The following BECN1 variants were observed in gnomAD, a reference collection of about 807,000 sequenced individuals.
BECN1 encodes the protein beclin 1.
BECN1 carries 15 observed loss-of-function variants against 60.1 expected under a neutral mutation model. That is an observed-to-expected ratio of 0.25 (90% CI 0.17 to 0.38). BECN1 has a LOEUF of 0.38. Among genes scored for constraint, BECN1 ranks in the 10% least tolerant of loss-of-function variants. The probability of loss-of-function intolerance (pLI) is 1.00; values close to 1 mark genes in which losing one functional copy is unlikely to be tolerated. For missense variants in BECN1, 424 were observed against 548.2 expected (o/e 0.77, Z 2.26); for synonymous variants, 179 against 201.8 (o/e 0.89, Z 0.96).
rs1421840308 is a variant in BECN1, at chr17:42,811,584, A to G, written c.1184+71T>C. 3.2e-6 allele frequency: 5 copies of G among 1,547,526 alleles called. No individual in the cohort carries two copies. In the Admixed American group the frequency reaches 1.0e-4, roughly 31 times the overall value. On this transcript the variant is annotated intron_variant, in intron 11 of 11. Coordinates refer to ENST00000590099, the MANE Select transcript of BECN1 (RefSeq NM_001313998.2). The stretch of plus-strand genomic sequence containing the variant: ...CCACCATTTATACTGTTTTGCCTCC[A>G]TTATTACTGCTGCTTCAATTCTGTT...
chr17:42,811,852 G>T, intron 10 of BECN1, 55 bp from the exon 11 acceptor site: 2 of 1,579,724 alleles, frequency 1.3e-6, no homozygotes, highest in Middle Eastern at 1.7e-4. Flanking sequence ...GGCTTCCAGA[G>T]ATTGTTCCCA....
chr17:42,818,291 G>A lies in BECN1; in HGVS notation c.613C>T (p.Arg205Cys), dbSNP rs758000771. 7.4e-6 allele frequency: 12 copies of A among 1,614,050 alleles called. No individual in the cohort carries two copies. The highest frequency in any genetic ancestry group is 2.2e-5 in the East Asian group (1 of 44,902). The change falls in exon 7 of 12, where the codon CGC becomes TGC. Residue 205 changes from arginine (R) to cysteine (C), a missense_variant. Physicochemically the swap from Arg to Cys is radical, Grantham distance 180 (BLOSUM62 -3). Coordinates refer to ENST00000590099, the MANE Select transcript of BECN1 (RefSeq NM_001313998.2). ...IQELEDVEKN[R>C]KIVAENLEKV... ...TCGAGATTTTCTGCCACTATCTTGC[G>A]GTTCTTTTCCACGTCTTCCAGCTCC...
intron 10 of BECN1, 87 bp from the exon 11 acceptor site, chr17:42,811,884 A>G: frequency 2.0e-6 from 3 of 1,500,480 alleles, no homozygotes; most frequent in South Asian, 2.6e-5. Context: ...CTCTCAAGTC[A>G]TGTTCTGTCT....
At chr17:42,813,155 G>A (rs1380003524) in intron 10 of BECN1, among the ~76,000 whole-genome samples, 1 of 151,498 alleles carries the variant, frequency 6.6e-6, no homozygotes, top group Non-Finnish European at 1.5e-5. Flanking sequence ...TTTGCTTTCT[G>A]ATGATTCAAT....
chr17:42,811,881 G>A, intron 10 of BECN1, 84 bp from the exon 11 acceptor site: 1 of 1,497,152 alleles, frequency 6.7e-7, no homozygotes, highest in Non-Finnish European at 9.0e-7. Context: ...AATCTCTCAA[G>A]TCATGTTCTG....
chr17:42,816,996 A>G (rs184769655), intron 7 of BECN1, among the ~76,000 whole-genome samples: 103 of 150,638 alleles, frequency 6.8e-4, no homozygotes, highest in Non-Finnish European at 1.4e-3. Flanking sequence ...CAAAAACAAA[A>G]AACAGTGGCT....
chr17:42,819,653 G>A (rs761484600), intron 3 of BECN1, 44 bp from the exon 4 acceptor site: 2 of 1,594,228 alleles, frequency 1.3e-6, no homozygotes, highest in Non-Finnish European at 8.6e-7. Context: ...GCAGCTTAGA[G>A]GTAGAGTTCA....
At position 42,824,250 on chromosome 17, in the gene BECN1, G is replaced by T. The variant is rs1392159527; in HGVS notation, c.-98C>A. ...GAGCGAGGCCTCCAGAACTACCATCGCTCTGTCTTCAGCGACTTCCCGGTA... is the reference window on the plus strand; with the variant it reads ...GAGCGAGGCCTCCAGAACTACCATCTCTCTGTCTTCAGCGACTTCCCGGTA... On this transcript the variant is annotated 5_prime_UTR_variant, in exon 1 of 12. Transcript: ENST00000590099. 5.0e-6 allele frequency: 2 copies of T among 401,670 alleles called. No homozygotes were observed. The highest frequency in any genetic ancestry group is 4.4e-5 in the Admixed American group (1 of 22,826). The allele number at this position is 401,670 out of a possible 1,614,324, so 24.9% of individuals were successfully genotyped here.
intron 7 of BECN1, among the ~76,000 whole-genome samples, chr17:42,817,082 C>A (rs1232131032): frequency 6.6e-6 from 1 of 151,766 alleles, no homozygotes; most frequent in Non-Finnish European, 1.5e-5. Flanking sequence ...ATCACTTGAG[C>A]TCAAGAGTTC....
chr17:42,823,350 G>A (rs1177016584), intron 2 of BECN1, among the ~76,000 whole-genome samples: 1 of 152,132 alleles, frequency 6.6e-6, no homozygotes. Flanking sequence ...CACCTCACCG[G>A]TTCAAGCGAT....
At chr17:42,814,190 AT>A in intron 9 of BECN1, 182 bp from the exon 10 acceptor site, 2 of 551,460 alleles carry the variant, frequency 3.6e-6, no homozygotes, top group East Asian at 3.1e-5. Flanking sequence ...AACAAACTAC[AT>A]TTATTATATA....
In BECN1 at chr17:42,810,624, T is replaced by C; in HGVS notation, c.*136A>G. On this transcript the variant is annotated 3_prime_UTR_variant, in exon 12 of 12. Coordinates refer to ENST00000590099, the MANE Select transcript of BECN1 (RefSeq NM_001313998.2). ...TGTCACATGATATTTTAAAATAAAGTGGCTTTTGTGGATTTTTTCTTTTTT... is the reference window on the plus strand; with the variant it reads ...TGTCACATGATATTTTAAAATAAAGCGGCTTTTGTGGATTTTTTCTTTTTT... The C allele has an allele frequency of 1.1e-6, 1 of 879,538 alleles. No homozygotes were observed. The highest frequency in any genetic ancestry group is 2.5e-5 in the South Asian group (1 of 40,570). The allele number at this position is 879,538 out of a possible 1,614,324, so 54.5% of individuals were successfully genotyped here.
chr17:42,811,744 A>G lies in BECN1; in HGVS notation c.1095T>C (p.Phe365=), dbSNP rs757598712. The G allele has an allele frequency of 4.3e-6, 7 of 1,614,172 alleles. No individual in the cohort carries two copies. Among genetic ancestry groups the G allele is most frequent in the Non-Finnish European group, 5.9e-6 (7 of 1,180,028 alleles). ...GGLRFFWDNK[F]DHAMVAFLDC... The stretch of plus-strand genomic sequence containing the variant: ...CCAGGAAAGCCACCATTGCATGGTC[A>G]AACTTGTTGTCCCAGAAAAACCGCA... The change falls in exon 11 of 12, where the codon TTT becomes TTC. Residue 365 remains phenylalanine (F), a synonymous_variant. Coordinates refer to ENST00000590099, the MANE Select transcript of BECN1 (RefSeq NM_001313998.2).
rs2055246427 is a variant in BECN1 at position 42,820,762 on chromosome 17, C to A, written c.198+12G>T. The A allele has an allele frequency of 1.9e-6, 3 of 1,570,710 alleles. No individual in the cohort carries two copies. Among genetic ancestry groups the A allele is most frequent in the Non-Finnish European group, 2.6e-6 (3 of 1,154,048 alleles). On this transcript the variant is annotated intron_variant, in intron 3 of 11. Transcript: ENST00000590099. ...TACATGAGGAGGATAGGGGAGAGGG[C>A]ACTTCTATTACCTCTCCTGAGTTAG...
intron 1 of BECN1, 136 bp from the exon 2 acceptor site, chr17:42,824,015 G>A (rs1227625236): frequency 8.7e-7 from 1 of 1,152,216 alleles, no homozygotes; most frequent in East Asian, 2.6e-5. Flanking sequence ...GGAATGGTAT[G>A]ATACGGGGAG....
At chr17:42,816,135 T>C in intron 7 of BECN1, 81 bp from the exon 8 acceptor site, 1 of 1,388,258 alleles carries the variant, frequency 7.2e-7, no homozygotes, top group Non-Finnish European at 9.7e-7. Flanking sequence ...GAACGATTCT[T>C]TAGTGATCAT....
chr17:42,824,125 G>T, intron 1 of BECN1, 30 bp downstream of exon 1: 1 of 497,562 alleles, frequency 2.0e-6, no homozygotes, highest in Non-Finnish European at 3.6e-6. Flanking sequence ...TCCCTTCTAA[G>T]GTCCCACCTC....
chr17:42,818,995 C>A, intron 4 of BECN1, 118 bp from the exon 5 acceptor site: 1 of 1,107,388 alleles, frequency 9.0e-7, no homozygotes. Context: ...AGGAACATAC[C>A]CACTCCTAGC....
chr17:42,814,317 G>A lies in BECN1; in HGVS notation c.980+207C>T, dbSNP rs1225118210. The A allele has an allele frequency of 6.1e-6, 4 of 657,712 alleles. No individual in the cohort carries two copies. The East Asian group carries it at 1.1e-4, about 18-fold the overall frequency. The allele number at this position is 657,712 out of a possible 1,614,324, so 40.7% of individuals were successfully genotyped here. On this transcript the variant is annotated intron_variant, in intron 9 of 11. Coordinates refer to ENST00000590099, the MANE Select transcript of BECN1 (RefSeq NM_001313998.2). Reference sequence around the variant, plus strand: ...CTGGGGACTGTAGGCTGGGAACTATGCTATAGTCACGCAACTCAGTGACTG... The same window carrying A: ...CTGGGGACTGTAGGCTGGGAACTATACTATAGTCACGCAACTCAGTGACTG...
Sources: gnomAD v4.1 joint callset for allele counts (sites outside exome capture counted in the v4.1 genomes callset) on GRCh38, gnomAD v4.1.1 for gene constraint, MANE v1.5 for transcripts, NCBI Gene and HGNC (gene_info 2026-07-23, HGNC 2026-07-21) for gene names.